The following TMEM181 variants were observed in gnomAD, a reference collection of about 807,000 sequenced individuals.
The protein encoded by TMEM181 is G protein-coupled receptor 178.
In TMEM181, 39 loss-of-function variants were observed where a neutral mutation model predicts 71.9. The ratio of observed to expected loss-of-function variants is 0.54; its 90% CI spans 0.42 to 0.71. The LOEUF (loss-of-function observed/expected upper bound fraction) is 0.71. Among genes scored for constraint, TMEM181 ranks in the 30% least tolerant of loss-of-function variants. The pLI is 0.00. For missense variants in TMEM181, 595 were observed against 583.0 expected (o/e 1.02, Z -0.21); for synonymous variants, 245 against 228.8 (o/e 1.07, Z -0.64).
chr6:158,547,143 G>C (rs145070274), intron 1 of TMEM181, among the ~76,000 whole-genome samples: 1 of 152,178 alleles, frequency 6.6e-6, no homozygotes, highest in Non-Finnish European at 1.5e-5. Flanking sequence ...TTAGCTGGCC[G>C]TGGTGGCATG....
intron 1 of TMEM181, chr6:158,536,992 G>T: frequency 1.8e-6 from 1 of 566,106 alleles, no homozygotes; most frequent in Non-Finnish European, 2.3e-6. Flanking sequence ...CGGGCGCGGA[G>T]CCTACGGATG....
chr6:158,558,222 GGATTTC>G (rs768622309), upstream of TMEM181, among the ~76,000 whole-genome samples: 4 of 152,188 alleles, frequency 2.6e-5, no homozygotes, highest in Non-Finnish European at 5.9e-5. Context: ...CACAGAGCAG[GGATTTC>G]CACATCATCT....
intron 6 of TMEM181, among the ~76,000 whole-genome samples, chr6:158,599,812 C>T (rs1784571723): frequency 1.3e-5 from 2 of 152,250 alleles, no homozygotes; most frequent in African/African-American, 2.4e-5. Context: ...GAAAACTCAG[C>T]CTTTCAGGCC....
At chr6:158,555,852 G>A (rs1472113759), upstream of TMEM181, among the ~76,000 whole-genome samples, 4 of 143,166 alleles carry the variant, frequency 2.8e-5, no homozygotes, top group African/African-American at 5.3e-5. Flanking sequence ...TGCGCCCACC[G>A]TTTAGAATGT....
At chr6:158,624,900 C>T (rs1463794470) in intron 11 of TMEM181, among the ~76,000 whole-genome samples, 2 of 152,202 alleles carry the variant, frequency 1.3e-5, no homozygotes, top group Non-Finnish European at 2.9e-5. Flanking sequence ...CCTGGGGTGT[C>T]GTCCACCTCA....
At chr6:158,559,374 T>C (rs114473156), upstream of TMEM181, among the ~76,000 whole-genome samples, 3,512 of 152,294 alleles carry the variant, frequency 0.023, 148 homozygotes, top group African/African-American at 0.08. Context: ...GAGGATACAT[T>C]GCAAAGGAAG....
chr6:158,547,413 G>T (rs1157181271), intron 1 of TMEM181, among the ~76,000 whole-genome samples: 1 of 152,196 alleles, frequency 6.6e-6, no homozygotes, highest in African/African-American at 2.4e-5. Context: ...CAGATACTGA[G>T]ACCCACTGTC....
chr6:158,551,630 C>A (rs542038335), intron 1 of TMEM181, among the ~76,000 whole-genome samples: 1 of 152,256 alleles, frequency 6.6e-6, no homozygotes, highest in South Asian at 2.1e-4. Context: ...AGCATCACAT[C>A]AGGACCATTC....
intron 1 of TMEM181, among the ~76,000 whole-genome samples, chr6:158,541,410 T>TC (rs1290530851): frequency 2.7e-5 from 4 of 147,238 alleles, no homozygotes; most frequent in Non-Finnish European, 6.0e-5. Context: ...AGAGCGAGAC[T>TC]CCATCTCAAA....
chr6:158,629,733 C>G lies in TMEM181; in HGVS notation c.1196C>G (p.Ala399Gly). Residue 399 changes from alanine (A) to glycine (G), a missense_variant, in exon 15 of 17, where the codon GCC (alanine) becomes GGC (glycine). By Grantham distance (60) the Ala-to-Gly change is moderately conservative. Coordinates refer to ENST00000684151, the MANE Select transcript of TMEM181 (RefSeq NM_001376852.1). Reference protein sequence around the residue: ...AELSTHYQNSAEFLSFYGLLN... With the variant: ...AELSTHYQNSGEFLSFYGLLN... ...TTCCTTCCCTTGACAGCACCACCAG[C>G]CGAGTTCTTATCTTTCTATGGCCTG... 1 of 1,607,194 alleles carries G rather than the reference C, an allele frequency of 6.2e-7. No individual in the cohort carries two copies. The highest frequency in any genetic ancestry group is 8.5e-7 in the Non-Finnish European group (1 of 1,176,164).
At chr6:158,565,787 G>C (rs1782457428) in intron 1 of TMEM181, among the ~76,000 whole-genome samples, 2 of 152,110 alleles carry the variant, frequency 1.3e-5, no homozygotes, top group African/African-American at 4.8e-5. Context: ...ATGAAATCCT[G>C]AAAACTGGTG....
In TMEM181 at chr6:158,625,133, A is replaced by C. The variant is rs778410495; in HGVS notation, c.984A>C (p.Ala328=). The change falls in exon 12 of 17, where the codon GCA becomes GCC. Residue 328 remains alanine, a synonymous_variant. Coordinates refer to ENST00000684151, the MANE Select transcript of TMEM181 (RefSeq NM_001376852.1). ...TGAAGGTCTTCTTCATGGTGGTGGC[A>C]GCGGTGTACATTCTGTACCTCTTGT... The part of the protein sequence containing the change: ...QGMKVFFMVV[A]AVYILYLLFL... 6.2e-7 allele frequency: 1 copy of C among 1,614,176 alleles called. No individual in the cohort carries two copies. The highest frequency in any genetic ancestry group is 2.2e-5 in the East Asian group (1 of 44,892).
chr6:158,560,702 T>C (rs1437660745), intron 1 of TMEM181, among the ~76,000 whole-genome samples: 1 of 152,144 alleles, frequency 6.6e-6, no homozygotes, highest in Non-Finnish European at 1.5e-5. Flanking sequence ...GGTGCGAGGC[T>C]CTCAGAGGCG....
chr6:158,611,976 A>ACT (rs148961670), intron 10 of TMEM181, among the ~76,000 whole-genome samples: 2 of 130,180 alleles, frequency 1.5e-5, no homozygotes, highest in Non-Finnish European at 3.3e-5. Flanking sequence ...CTGCAGGGAT[A>ACT]CCCCCCCCAC....
intron 6 of TMEM181, among the ~76,000 whole-genome samples, chr6:158,602,421 G>A (rs1440905651): frequency 6.6e-6 from 1 of 152,140 alleles, no homozygotes. Flanking sequence ...GGAATGGTTG[G>A]GCCATGTGGT....
exon 1 of TMEM181, chr6:158,536,802 T>G (rs760568476): frequency 6.4e-7 from 1 of 1,560,400 alleles, no homozygotes; most frequent in East Asian, 2.5e-5. Flanking sequence ...TGCCGGCGGC[T>G]GCGGGAAGCG....
At chr6:158,631,684 T>C in intron 16 of TMEM181, 126 bp from the exon 17 acceptor site, 1 of 1,079,772 alleles carries the variant, frequency 9.3e-7, no homozygotes, top group Non-Finnish European at 1.4e-6. Flanking sequence ...GCAGTAGCAG[T>C]TGGTGATAGA....
At chr6:158,588,327 C>A (rs954275583) in intron 5 of TMEM181, among the ~76,000 whole-genome samples, 3 of 152,242 alleles carry the variant, frequency 2.0e-5, no homozygotes, top group Non-Finnish European at 4.4e-5. Flanking sequence ...GTGCTGCCTT[C>A]AGCCCCCTGC....
intron 6 of TMEM181, among the ~76,000 whole-genome samples, chr6:158,593,602 A>G (rs993378529): frequency 2.0e-5 from 3 of 152,220 alleles, no homozygotes; most frequent in African/African-American, 7.2e-5. Context: ...CATAATCAAC[A>G]TTGTGCTGGC....
Sources: allele counts gnomAD v4.1 joint callset (sites outside exome capture counted in the v4.1 genomes callset), GRCh38; gene constraint gnomAD v4.1.1; transcripts MANE v1.5; gene names NCBI Gene and HGNC (gene_info 2026-07-23, HGNC 2026-07-21).